COMMD1: variants seen among roughly 807,000 people sequenced by gnomAD.
COMMD1 encodes copper metabolism domain containing 1, also known as COMM domain-containing protein 1.
A neutral mutation model predicts 17.2 loss-of-function variants in COMMD1; 10 were observed. The observed-to-expected ratio is 0.58, with a 90% confidence interval of 0.36 to 0.99. The LOEUF (loss-of-function observed/expected upper bound fraction) is 0.99. Among genes scored for constraint, COMMD1 ranks in the 50% least tolerant of loss-of-function variants. COMMD1 has a pLI of 0.01. For synonymous variants in COMMD1, 97 were observed against 91.6 expected (o/e 1.06, Z -0.34); for missense variants, 270 against 231.8 (o/e 1.17, Z -1.07).
At chr2:61,944,021 A>C (rs1670839461) in intron 1 of COMMD1, among the ~76,000 whole-genome samples, 1 of 152,234 alleles carries the variant, frequency 6.6e-6, no homozygotes, top group Non-Finnish European at 1.5e-5. Flanking sequence ...TGGAAAGAGC[A>C]AAATGCCCTT....
At chr2:62,025,825 A>G (rs1669738935) in intron 2 of COMMD1, among the ~76,000 whole-genome samples, 2 of 152,022 alleles carry the variant, frequency 1.3e-5, no homozygotes, top group Non-Finnish European at 2.9e-5. Context: ...AGTAGCTGGG[A>G]TTACAGACAT....
In COMMD1 at chr2:61,990,901, T is replaced by TACACACAC. The variant is rs1332695175; in HGVS notation, c.181-9799_181-9798insCACACACA. 5.6e-3 allele frequency among the ~76,000 whole-genome samples: 240 copies of TACACACAC among 42,706 alleles called. 1 individual carries two copies. In the Middle Eastern group the frequency reaches 0.1, roughly 18 times the overall value. 28.0% of individuals were successfully genotyped at this position (42,706 alleles called of 152,430 possible). A position where few individuals can be genotyped will look rare whatever the true frequency, so the allele number is the denominator to read the frequency against. On this transcript the variant is annotated intron_variant, in intron 1 of 2. Coordinates refer to ENST00000311832, the MANE Select transcript of COMMD1 (RefSeq NM_152516.4). The stretch of plus-strand genomic sequence containing the variant: ...ACAAAAAAAAAAAAAAATATATATA[T>TACACACAC]ATACACACACACACACACACACACA...
intron 2 of COMMD1, among the ~76,000 whole-genome samples, chr2:62,019,085 T>C (rs1367222453): frequency 7.8e-6 from 1 of 128,052 alleles, no homozygotes; most frequent in East Asian, 2.5e-4. Context: ...TCTCTCTCTT[T>C]CTTTCTCTCT....
intron 1 of COMMD1, among the ~76,000 whole-genome samples, chr2:61,972,717 A>G (rs766288475): frequency 6.6e-6 from 1 of 152,220 alleles, no homozygotes; most frequent in Admixed American, 6.5e-5. Flanking sequence ...TCTACAAAAT[A>G]CCTGGTCAGC....
intron 2 of COMMD1, among the ~76,000 whole-genome samples, chr2:62,019,237 G>A (rs375080174): frequency 6.0e-5 from 9 of 151,102 alleles, no homozygotes; most frequent in African/African-American, 2.2e-4. Flanking sequence ...GCAATGGCGC[G>A]ATCTCAGCTC....
chr2:62,020,273 G>A (rs1363950096), intron 2 of COMMD1, among the ~76,000 whole-genome samples: 4 of 152,184 alleles, frequency 2.6e-5, no homozygotes, highest in East Asian at 3.8e-4. Flanking sequence ...GTGTCGTTAC[G>A]TCACACCATT....
intron 2 of COMMD1, among the ~76,000 whole-genome samples, chr2:62,123,270 C>T (rs1488965719): frequency 6.6e-6 from 1 of 152,036 alleles, no homozygotes; most frequent in East Asian, 1.9e-4. Context: ...CTTTGGGAGG[C>T]TGAGGCAGGC....
chr2:61,933,493 C>T (rs868303175), intron 1 of COMMD1, among the ~76,000 whole-genome samples: 8 of 151,826 alleles, frequency 5.3e-5, no homozygotes, highest in Admixed American at 1.3e-4. Context: ...GGGGTTTAGC[C>T]GGAGCCCAGC....
chr2:62,052,161 T>C (rs575735561), intron 2 of COMMD1, among the ~76,000 whole-genome samples: 1 of 152,180 alleles, frequency 6.6e-6, no homozygotes, highest in African/African-American at 2.4e-5. Flanking sequence ...TTTAAAAAGA[T>C]AGAAATTGGC....
chr2:62,009,217 A>G (rs530020930), intron 2 of COMMD1, among the ~76,000 whole-genome samples: 3 of 152,308 alleles, frequency 2.0e-5, no homozygotes, highest in Admixed American at 6.5e-5. Context: ...AGTGTTCCAT[A>G]ATAGTTTGTG....
At chr2:62,054,904 T>C (rs150306479) in intron 2 of COMMD1, among the ~76,000 whole-genome samples, 19 of 152,288 alleles carry the variant, frequency 1.2e-4, no homozygotes, top group African/African-American at 3.8e-4. Flanking sequence ...ACAAACCCTA[T>C]TGTGAACTGT....
At chr2:62,000,015 C>T (rs1390196924) in intron 1 of COMMD1, among the ~76,000 whole-genome samples, 4 of 149,938 alleles carry the variant, frequency 2.7e-5, no homozygotes, top group African/African-American at 4.9e-5. Context: ...CTCTGCCTCC[C>T]GGGTTCAAGC....
intron 2 of COMMD1, among the ~76,000 whole-genome samples, chr2:62,021,903 A>T (rs1248684543): frequency 6.6e-6 from 1 of 152,162 alleles, no homozygotes; most frequent in East Asian, 1.9e-4. Context: ...TCTCTAACAG[A>T]TACTTGATTT....
intron 1 of COMMD1, among the ~76,000 whole-genome samples, chr2:61,967,448 G>GGGTA (rs1206182768): frequency 6.6e-6 from 1 of 152,134 alleles, no homozygotes; most frequent in Admixed American, 6.5e-5. Context: ...ACCATACTTT[G>GGGTA]GGTAGCATTG....
chr2:61,987,474 G>T (rs540570062), intron 1 of COMMD1, among the ~76,000 whole-genome samples: 2 of 152,226 alleles, frequency 1.3e-5, no homozygotes, highest in South Asian at 2.1e-4. Flanking sequence ...GATAAGATCT[G>T]GAAGAATTCT....
chr2:62,046,758 G>A (rs1309255887), intron 2 of COMMD1, among the ~76,000 whole-genome samples: 1 of 152,198 alleles, frequency 6.6e-6, no homozygotes, highest in Non-Finnish European at 1.5e-5. Flanking sequence ...TCTCCAGTTT[G>A]TGATTTATAA....
At chr2:62,078,273 G>A (rs1303973466) in intron 2 of COMMD1, among the ~76,000 whole-genome samples, 1 of 142,028 alleles carries the variant, frequency 7.0e-6, no homozygotes, top group Non-Finnish European at 1.5e-5. Flanking sequence ...AAAAGGTGGA[G>A]CCGGGCACGG....
chr2:62,133,450 G>A (rs182782380), intron 2 of COMMD1, among the ~76,000 whole-genome samples: 4 of 151,808 alleles, frequency 2.6e-5, no homozygotes, highest in African/African-American at 9.7e-5. Flanking sequence ...CATGTATAAG[G>A]CCTGCAAATT....
intron 2 of COMMD1, among the ~76,000 whole-genome samples, chr2:62,040,318 A>G (rs1354102101): frequency 6.6e-6 from 1 of 152,206 alleles, no homozygotes; most frequent in African/African-American, 2.4e-5. Context: ...TTTAAGGTAA[A>G]TAAATGAAGA....
Sources: gnomAD v4.1 joint callset for allele counts (sites outside exome capture counted in the v4.1 genomes callset) on GRCh38, gnomAD v4.1.1 for gene constraint, MANE v1.5 for transcripts, NCBI Gene and HGNC (gene_info 2026-07-23, HGNC 2026-07-21) for gene names.